The following STN1 variants were observed in gnomAD, a reference collection of about 807,000 sequenced individuals.
STN1 encodes CST complex subunit STN1.
A neutral mutation model predicts 45.5 loss-of-function variants in STN1; 29 were observed. The ratio of observed to expected loss-of-function variants is 0.64; its 90% CI spans 0.47 to 0.87. The LOEUF is 0.87. Ranked by LOEUF, STN1 falls within the 40% of genes least tolerant of loss-of-function variation. STN1 has a pLI of 0.00. For missense variants in STN1, 376 were observed against 441.4 expected (o/e 0.85, Z 1.33); for synonymous variants, 148 against 159.0 (o/e 0.93, Z 0.52).
intron 7 of STN1, among the ~76,000 whole-genome samples, chr10:103,896,542 A>T (rs1843172134): frequency 6.6e-6 from 1 of 152,222 alleles, no homozygotes; most frequent in Non-Finnish European, 1.5e-5. Context: ...ATAATTCTTA[A>T]TTCCAAGCAA....
rs931394657 is a variant in STN1, at chr10:103,918,089, A to G, written c.-63+11T>C. 3 of 153,230 alleles carry G rather than the reference A, an allele frequency of 2.0e-5. No individual in the cohort carries two copies. The highest frequency in any genetic ancestry group is 7.2e-5 in the African/African-American group (3 of 41,462). 9.5% of individuals were successfully genotyped at this position (153,230 alleles called of 1,614,324 possible). ...AAAAGGAGGAAAAAAGATACTAAAA[A>G]ATGGACCCACTTGTAGCCCCTCCCG... On this transcript the variant is annotated intron_variant, in intron 1 of 9. Coordinates refer to ENST00000224950, the MANE Select transcript of STN1 (RefSeq NM_024928.5).
intron 7 of STN1, among the ~76,000 whole-genome samples, chr10:103,895,550 C>G (rs1843165655): frequency 3.9e-5 from 6 of 152,324 alleles, no homozygotes; most frequent in Admixed American, 3.9e-4. Context: ...TTAGAAGCAA[C>G]CTTGGCAAAG....
chr10:103,886,476 C>A (rs1403432484), intron 9 of STN1, among the ~76,000 whole-genome samples: 1 of 151,514 alleles, frequency 6.6e-6, no homozygotes. Flanking sequence ...ACATAGAGCT[C>A]TTTTGGATAA....
intron 4 of STN1, among the ~76,000 whole-genome samples, chr10:103,902,517 T>C (rs1484562284): frequency 6.6e-6 from 1 of 152,228 alleles, no homozygotes; most frequent in Non-Finnish European, 1.5e-5. Context: ...ATGAGAAGAC[T>C]GGAGCCTGAC....
intron 9 of STN1, among the ~76,000 whole-genome samples, chr10:103,887,055 C>T (rs1843108064): frequency 6.6e-6 from 1 of 152,176 alleles, no homozygotes; most frequent in Admixed American, 6.5e-5. Context: ...AGTCCTTCTA[C>T]CAATCATCCT....
chr10:103,892,459 T>C (rs1192042032), intron 7 of STN1, among the ~76,000 whole-genome samples: 1 of 151,968 alleles, frequency 6.6e-6, no homozygotes, highest in African/African-American at 2.4e-5. Flanking sequence ...TTCATAACTG[T>C]TCCCTACCTT....
intron 3 of STN1, among the ~76,000 whole-genome samples, chr10:103,905,539 C>T (rs1258408298): frequency 1.3e-5 from 2 of 152,232 alleles, no homozygotes; most frequent in African/African-American, 4.8e-5. Context: ...CAGCCTTTCT[C>T]TCCCACCCTG....
At chr10:103,900,246 G>A in intron 4 of STN1, 23 bp from the exon 5 acceptor site, 1 of 1,609,530 alleles carries the variant, frequency 6.2e-7, no homozygotes, top group Non-Finnish European at 8.5e-7. Context: ...AGAGCCAGAG[G>A]GAAAGAGAAA....
intron 8 of STN1, among the ~76,000 whole-genome samples, chr10:103,890,089 A>G (rs1033415834): frequency 1.3e-5 from 2 of 152,202 alleles, no homozygotes; most frequent in South Asian, 2.1e-4. Flanking sequence ...TGAATCTAGT[A>G]ACAAAAAAAG....
chr10:103,896,434 C>T (rs1843171481), intron 7 of STN1, among the ~76,000 whole-genome samples: 1 of 152,096 alleles, frequency 6.6e-6, no homozygotes, highest in South Asian at 2.1e-4. Flanking sequence ...TGAGATCATT[C>T]CCTGGTGGGA....
At chr10:103,901,366 TAC>T (rs1244822934) in intron 4 of STN1, among the ~76,000 whole-genome samples, 1 of 152,164 alleles carries the variant, frequency 6.6e-6, no homozygotes, top group East Asian at 1.9e-4. Context: ...GGATTATAGG[TAC>T]AGTTTTATAA....
At chr10:103,916,536 T>C (rs1843332379) in intron 2 of STN1, among the ~76,000 whole-genome samples, 1 of 152,236 alleles carries the variant, frequency 6.6e-6, no homozygotes, top group Non-Finnish European at 1.5e-5. Context: ...AACAAAACCT[T>C]ATCTCATTAA....
intron 7 of STN1, among the ~76,000 whole-genome samples, chr10:103,892,667 T>C (rs1240363744): frequency 6.6e-6 from 1 of 152,194 alleles, no homozygotes. Flanking sequence ...TTTTGTATGT[T>C]GGAATAATTT....
chr10:103,898,131 T>TGGAGAA, intron 6 of STN1, among the ~76,000 whole-genome samples: 1 of 152,166 alleles, frequency 6.6e-6, no homozygotes, highest in Non-Finnish European at 1.5e-5. Context: ...AAATGGAGAA[T>TGGAGAA]TTTCACTTTT....
intron 8 of STN1, among the ~76,000 whole-genome samples, chr10:103,889,695 CTTTTT>C (rs58738841): frequency 8.2e-6 from 1 of 122,096 alleles, no homozygotes; most frequent in Non-Finnish European, 1.7e-5. Flanking sequence ...TTTCTTTTTC[CTTTTT>C]TTTTTTTTTT....
chr10:103,885,827 GAA>G (rs1843099488), intron 9 of STN1, among the ~76,000 whole-genome samples: 1 of 152,182 alleles, frequency 6.6e-6, no homozygotes, highest in Non-Finnish European at 1.5e-5. Flanking sequence ...AGACTTTTCT[GAA>G]AAGTGTTTGC....
rs1843043077 is a variant in STN1, at chr10:103,878,205, C to T, written c.*4479G>A. 6.6e-6 allele frequency: 1 copy of T among 152,246 alleles called. No homozygotes were observed. The allele number at this position is 152,246 out of a possible 1,614,324, so 9.4% of individuals were successfully genotyped here. A position where few individuals can be genotyped will look rare whatever the true frequency, so the allele number is the denominator to read the frequency against. ...GTAGCACTATTTGTCTTCTTGCCTA[C>T]ACAAGCTACATGTGGGGTTCACACC... On this transcript the variant is annotated 3_prime_UTR_variant, in exon 10 of 10. Transcript: ENST00000224950.
At chr10:103,909,514 A>G (rs1401125238) in intron 3 of STN1, among the ~76,000 whole-genome samples, 7 of 23,566 alleles carry the variant, frequency 3.0e-4, no homozygotes, top group Non-Finnish European at 1.5e-3. Context: ...ATATATGTAT[A>G]TATGTATATA....
At chr10:103,917,917 G>A (rs1843345595) in intron 1 of STN1, among the ~76,000 whole-genome samples, 183 bp downstream of exon 1, 10 of 152,216 alleles carry the variant, frequency 6.6e-5, no homozygotes, top group Admixed American at 6.5e-4. Flanking sequence ...TTTCACTCTG[G>A]GAAGATACGT....
Sources: allele counts gnomAD v4.1 joint callset (sites outside exome capture counted in the v4.1 genomes callset), GRCh38; gene constraint gnomAD v4.1.1; transcripts MANE v1.5; gene names NCBI Gene and HGNC (gene_info 2026-07-23, HGNC 2026-07-21).